The following C8orf89 variants were observed in gnomAD, a reference collection of about 807,000 sequenced individuals.
C8orf89 encodes the protein putative uncharacterized protein C8orf89.
Under a neutral mutation model 15.8 loss-of-function variants are expected in C8orf89, and 14 were observed. That is an observed-to-expected ratio of 0.89 (90% confidence interval 0.59 to 1.39). The LOEUF (loss-of-function observed/expected upper bound fraction) is 1.39. Among genes scored for constraint, C8orf89 ranks in the 40% most tolerant of loss-of-function variants. C8orf89 has a pLI of 0.00. For missense variants in C8orf89, 181 were observed against 184.5 expected (o/e 0.98, Z 0.11); for synonymous variants, 55 against 62.2 (o/e 0.88, Z 0.54).
chr8:73,284,179 T>A, the C8orf89 span, among the ~76,000 whole-genome samples: 1,710 of 150,244 alleles, frequency 0.011, 34 homozygotes, highest in African/African-American at 0.04. Context: ...CAGACCTAAG[T>A]AAACTGATAT....
intron 3 of C8orf89, among the ~76,000 whole-genome samples, chr8:73,246,523 C>T (rs1274414279): frequency 6.6e-6 from 1 of 152,150 alleles, no homozygotes; most frequent in Non-Finnish European, 1.5e-5. Context: ...AGATTACAGG[C>T]GCACACCACA....
chr8:73,250,294 A>G lies in C8orf89; in HGVS notation c.311T>C (p.Val104Ala). ...RLKKTKETCS[V>A]APLWEKSKGS... ...TTTTGATTTCTCCCAAAGTGGTGCC[A>G]CACTGCATGTCTCCTTAGTCTTCTT... The change falls in exon 3 of 4, where the codon GTG becomes GCG. Residue 104 changes from valine to alanine, a missense_variant. By Grantham distance (64) the Val-to-Ala change is moderately conservative. Transcript: ENST00000624510. 1 of 1,533,624 alleles carries G rather than the reference A, an allele frequency of 6.5e-7. No individual in the cohort carries two copies. Among genetic ancestry groups the G allele is most frequent in the Non-Finnish European group, 8.7e-7 (1 of 1,145,086 alleles).
upstream of C8orf89, among the ~76,000 whole-genome samples, chr8:73,262,084 T>C (rs1268790137): frequency 6.6e-6 from 1 of 152,082 alleles, no homozygotes; most frequent in Non-Finnish European, 1.5e-5. Context: ...ATAATGAAAA[T>C]GGCAACAAAA....
At chr8:73,248,705 G>T (rs945617512) in intron 3 of C8orf89, among the ~76,000 whole-genome samples, 28 of 152,090 alleles carry the variant, frequency 1.8e-4, no homozygotes, top group Non-Finnish European at 3.4e-4. Context: ...TGTGCCAATT[G>T]TAAATGGGAT....
chr8:73,284,889 A>C, the C8orf89 span, among the ~76,000 whole-genome samples: 1 of 152,216 alleles, frequency 6.6e-6, no homozygotes, highest in Non-Finnish European at 1.5e-5. Flanking sequence ...GTGCTCACAA[A>C]ATTGTTTGCA....
the C8orf89 span, chr8:73,277,547 C>A: frequency 5.2e-6 from 4 of 764,032 alleles, no homozygotes; most frequent in Non-Finnish European, 9.7e-6. Flanking sequence ...CCAGAGAAGC[C>A]TCCATTCCAG....
At chr8:73,255,780 T>TA (rs1813363387) in intron 2 of C8orf89, among the ~76,000 whole-genome samples, 1 of 151,260 alleles carries the variant, frequency 6.6e-6, no homozygotes, top group Non-Finnish European at 1.5e-5. Flanking sequence ...TATGCAGCCA[T>TA]AAAAAATAAT....
chr8:73,266,517 T>G, the C8orf89 span, among the ~76,000 whole-genome samples: 1 of 152,226 alleles, frequency 6.6e-6, no homozygotes, highest in African/African-American at 2.4e-5. Context: ...ACTTCTATCT[T>G]ACTGCTCTAC....
upstream of C8orf89, among the ~76,000 whole-genome samples, chr8:73,261,667 A>T: frequency 6.6e-6 from 1 of 152,224 alleles, no homozygotes; most frequent in Non-Finnish European, 1.5e-5. Context: ...TGCTTTTTAC[A>T]CTGCTTGAAA....
chr8:73,285,108 G>A, the C8orf89 span, among the ~76,000 whole-genome samples: 3 of 152,186 alleles, frequency 2.0e-5, no homozygotes, highest in Non-Finnish European at 4.4e-5. Context: ...GGTTTTAACA[G>A]TCTAACTGGG....
the C8orf89 span, among the ~76,000 whole-genome samples, chr8:73,279,873 G>C: frequency 6.6e-6 from 1 of 152,190 alleles, no homozygotes; most frequent in African/African-American, 2.4e-5. Flanking sequence ...GACATCTACA[G>C]CTAAGGTCTC....
At chr8:73,242,081 T>C (rs772838715) in intron 3 of C8orf89, among the ~76,000 whole-genome samples, 3 of 152,102 alleles carry the variant, frequency 2.0e-5, no homozygotes, top group Non-Finnish European at 1.5e-5. Flanking sequence ...ATGGGAGTGG[T>C]CAAAGATTTC....
intron 1 of C8orf89, 25 bp downstream of exon 1, chr8:73,259,307 A>C: frequency 7.1e-7 from 1 of 1,411,824 alleles, no homozygotes; most frequent in Admixed American, 2.3e-5. Context: ...TGTTTTCTTA[A>C]GGAAAATAAT....
the C8orf89 span, among the ~76,000 whole-genome samples, chr8:73,272,910 C>A: frequency 6.6e-6 from 1 of 152,088 alleles, no homozygotes; most frequent in Non-Finnish European, 1.5e-5. Context: ...ATAACAAAAT[C>A]CAATAGCTAC....
chr8:73,245,048 A>G (rs1446185999), intron 3 of C8orf89, among the ~76,000 whole-genome samples: 1 of 152,208 alleles, frequency 6.6e-6, no homozygotes, highest in Non-Finnish European at 1.5e-5. Context: ...GGCAAAAGCC[A>G]TGTCTTACAT....
chr8:73,283,585 TAATA>T, the C8orf89 span, among the ~76,000 whole-genome samples: 1 of 152,222 alleles, frequency 6.6e-6, no homozygotes, highest in Non-Finnish European at 1.5e-5. Context: ...TTTTAAAGAA[TAATA>T]AATACAGATT....
upstream of C8orf89, among the ~76,000 whole-genome samples, chr8:73,263,070 G>A (rs752193360): frequency 1.6e-4 from 25 of 152,076 alleles, no homozygotes; most frequent in Non-Finnish European, 3.4e-4. Context: ...ATGTTCTAGG[G>A]CAACCAATTA....
At chr8:73,264,877 C>T in the C8orf89 span, among the ~76,000 whole-genome samples, 4 of 152,138 alleles carry the variant, frequency 2.6e-5, no homozygotes, top group Non-Finnish European at 5.9e-5. Context: ...GCACTCTTCA[C>T]AAAGAGAACA....
chr8:73,274,763 T>C, the C8orf89 span, among the ~76,000 whole-genome samples: 1 of 152,210 alleles, frequency 6.6e-6, no homozygotes, highest in Non-Finnish European at 1.5e-5. Flanking sequence ...CTGAGTTGTT[T>C]GATATCTTAT....
Sources: gnomAD v4.1 joint callset for allele counts (sites outside exome capture counted in the v4.1 genomes callset) on GRCh38, gnomAD v4.1.1 for gene constraint, MANE v1.5 for transcripts, NCBI Gene and HGNC (gene_info 2026-07-23, HGNC 2026-07-21) for gene names.